Variants in SLC25A30 observed in about 807,000 individuals in gnomAD.
The protein encoded by SLC25A30 is solute carrier family 25 member 30.
SLC25A30 carries 29 observed loss-of-function variants against 42.7 expected under a neutral mutation model. That is an observed-to-expected ratio of 0.68 (90% CI 0.51 to 0.93). The LOEUF is 0.93. Among genes scored for constraint, SLC25A30 ranks in the 40% least tolerant of loss-of-function variants. SLC25A30 has a pLI of 0.00. For missense variants in SLC25A30, 300 were observed against 359.7 expected, an observed-to-expected ratio of 0.83 and a Z score of 1.34; for synonymous variants, 124 against 131.0, an observed-to-expected ratio of 0.95 and a Z score of 0.37.
At position 45,401,166 on chromosome 13, in the gene SLC25A30, A is replaced by G; in HGVS notation, c.531T>C (p.Gly177=). The part of the protein sequence containing the change: ...LTAQRAAIVV[G]VELPVYDITK... Reference sequence around the variant, plus strand: ...TGATGTCATAGACCGGCAGCTCCACACCAACAACAATAGCAGCCCTCTGCG... The same window carrying G: ...TGATGTCATAGACCGGCAGCTCCACGCCAACAACAATAGCAGCCCTCTGCG... The change falls in exon 7 of 10, where the codon GGT becomes GGC. Residue 177 remains glycine, a synonymous_variant. Transcript: ENST00000519676. 6.2e-7 allele frequency: 1 copy of G among 1,614,152 alleles called. No homozygotes were observed. The highest frequency in any genetic ancestry group is 1.1e-5 in the South Asian group (1 of 91,088).
At chr13:45,412,612 G>A (rs187792192) in intron 1 of SLC25A30, among the ~76,000 whole-genome samples, 2 of 152,218 alleles carry the variant, frequency 1.3e-5, no homozygotes, top group East Asian at 1.9e-4. Context: ...AACCAATTAG[G>A]GGGACATCCA....
intron 5 of SLC25A30, 64 bp downstream of exon 5, chr13:45,404,263 C>T: frequency 9.0e-7 from 1 of 1,108,300 alleles, no homozygotes; most frequent in Non-Finnish European, 1.4e-6. Flanking sequence ...ATTCCATTAC[C>T]CGAATGTTGT....
chr13:45,408,608 CCTT>C (rs1882726363), intron 3 of SLC25A30, among the ~76,000 whole-genome samples: 1 of 152,114 alleles, frequency 6.6e-6, no homozygotes, highest in Admixed American at 6.5e-5. Flanking sequence ...GCAAAAACCT[CCTT>C]AATTCAGAAT....
chr13:45,396,522 C>T (rs1017709466), intron 9 of SLC25A30: 1 of 225,100 alleles, frequency 4.4e-6, no homozygotes, highest in Non-Finnish European at 7.6e-6. Context: ...GCCTGTAATC[C>T]CAGCACTTTG....
Position 45,394,672 on chromosome 13 carries a change from A to T in SLC25A30, c.*1302T>A, listed in dbSNP as rs192630410. ...GGGCTCTTTCTCTGAAGCAGGTTAGAGTAAAGAATAAGAAAATAGAAAAAG... is the reference window on the plus strand; with the variant it reads ...GGGCTCTTTCTCTGAAGCAGGTTAGTGTAAAGAATAAGAAAATAGAAAAAG... On this transcript the variant is annotated 3_prime_UTR_variant, in exon 10 of 10. Transcript: ENST00000519676. 184 of 985,120 alleles carry T rather than the reference A, an allele frequency of 1.9e-4. 1 individual carries two copies. The African/African-American group carries it at 3.0e-3, about 16-fold the overall frequency. The allele number at this position is 985,120 out of a possible 1,614,324, so 61.0% of individuals were successfully genotyped here.
chr13:45,423,890 T>A, the SLC25A30 span, among the ~76,000 whole-genome samples: 1 of 81,776 alleles, frequency 1.2e-5, no homozygotes, highest in African/African-American at 4.8e-5. Context: ...AAAATATATA[T>A]ATAAATATAT....
At chr13:45,417,132 A>C (rs1883601857) in intron 1 of SLC25A30, among the ~76,000 whole-genome samples, 1 of 151,836 alleles carries the variant, frequency 6.6e-6, no homozygotes, top group African/African-American at 2.4e-5. Context: ...TCCTGTCTCA[A>C]CCTCCCGAGT....
chr13:45,405,875 C>T lies in SLC25A30; in HGVS notation c.307+8G>A. ...CTGTCCACAGTGGAAAACAGATTCC[C>T]CACTCACCTTCTGGGCGTTCAATGA... On this transcript the variant is annotated splice_region_variant and intron_variant, in intron 4 of 9. Transcript: ENST00000519676. 6.2e-7 allele frequency: 1 copy of T among 1,613,712 alleles called. No individual in the cohort carries two copies. The highest frequency in any genetic ancestry group is 8.5e-7 in the Non-Finnish European group (1 of 1,179,686).
chr13:45,422,185 T>C (rs893933106), upstream of SLC25A30, among the ~76,000 whole-genome samples: 9 of 152,218 alleles, frequency 5.9e-5, no homozygotes, highest in Admixed American at 1.3e-4. Flanking sequence ...TGATAAATGT[T>C]TGTTTAATTA....
Position 45,396,001 on chromosome 13 carries a change from G to T in SLC25A30, c.849C>A (p.Tyr283Ter), listed in dbSNP as rs764884738. 1.9e-6 allele frequency: 3 copies of T among 1,614,036 alleles called. No individual in the cohort carries two copies. Among genetic ancestry groups the T allele is most frequent in the African/African-American group, 1.3e-5 (1 of 74,930 alleles). The change falls in exon 10 of 10, where the codon TAC (tyrosine) becomes TAA (stop). Residue 283 changes from tyrosine to a stop codon, truncating the protein, a stop_gained. Coordinates refer to ENST00000519676, the MANE Select transcript of SLC25A30 (RefSeq NM_001010875.4). LOFTEE classifies it high-confidence loss of function. ...ACAAATCCAATTTCTTCAACTGCTC[G>T]TATGTCACAAAGAACTGTGGTTATG... ...GPWNIIFFVTYEQLKKLDL is the reference protein window; with the variant it reads ...GPWNIIFFVT
At chr13:45,424,458 CAT>C in the SLC25A30 span, among the ~76,000 whole-genome samples, 595 of 19,374 alleles carry the variant, frequency 0.031, 47 homozygotes, top group African/African-American at 0.12. Context: ...AATATATAAA[CAT>C]ATAAAAATAT....
chr13:45,407,965 T>G (rs1882672954), intron 3 of SLC25A30, among the ~76,000 whole-genome samples: 1 of 152,224 alleles, frequency 6.6e-6, no homozygotes, highest in Non-Finnish European at 1.5e-5. Context: ...TCTTCCTACA[T>G]GACAGCCCTG....
chr13:45,421,379 CAAAAAAAAAA>C (rs368665089), upstream of SLC25A30, among the ~76,000 whole-genome samples: 3 of 83,358 alleles, frequency 3.6e-5, no homozygotes, highest in African/African-American at 4.9e-5. Context: ...ACTCCATCTC[CAAAAAAAAAA>C]AAAAAAAAAA....
chr13:45,425,787 A>T, the SLC25A30 span, among the ~76,000 whole-genome samples: 1 of 145,358 alleles, frequency 6.9e-6, no homozygotes, highest in Non-Finnish European at 1.5e-5. Context: ...CCACCTCCTG[A>T]ATTCAAGCAA....
intron 9 of SLC25A30, chr13:45,396,726 C>G (rs1397953306): frequency 6.4e-6 from 1 of 155,220 alleles, no homozygotes; most frequent in East Asian, 1.9e-4. Context: ...GACCCGAGAT[C>G]ACGCCACTGT....
the SLC25A30 span, among the ~76,000 whole-genome samples, chr13:45,425,898 G>C: frequency 6.1e-5 from 9 of 147,002 alleles, no homozygotes; most frequent in African/African-American, 2.2e-4. Flanking sequence ...TCATCATGTT[G>C]GCCAGGCTGG....
Position 45,395,818 on chromosome 13 carries a change from AAC to A in SLC25A30, c.*154_*155del, listed in dbSNP as rs1193383576. On this transcript the variant is annotated 3_prime_UTR_variant, in exon 10 of 10. Coordinates refer to ENST00000519676, the MANE Select transcript of SLC25A30 (RefSeq NM_001010875.4). ...CGTTTGATGAAGAGCATCCAATGCC[AAC>A]ACACAGCAATCTCAACTAACCCAGT... 6 of 1,528,196 alleles carry A rather than the reference AAC, an allele frequency of 3.9e-6. No homozygotes were observed. In the African/African-American group the frequency reaches 8.3e-5, roughly 21 times the overall value. 94.7% of individuals were successfully genotyped at this position (1,528,196 alleles called of 1,614,324 possible). A position where few individuals can be genotyped will look rare whatever the true frequency, so the allele number is the denominator to read the frequency against.
At chr13:45,425,797 A>G in the SLC25A30 span, among the ~76,000 whole-genome samples, 1 of 145,872 alleles carries the variant, frequency 6.9e-6, no homozygotes, top group Non-Finnish European at 1.5e-5. Context: ...AATTCAAGCA[A>G]TTCTTGTGCC....
At chr13:45,419,130 TAAAAAA>T (rs374462224), upstream of SLC25A30, among the ~76,000 whole-genome samples, 37,086 of 89,858 alleles carry the variant, frequency 0.41, 6,495 homozygotes, top group Non-Finnish European at 0.51. Flanking sequence ...TACTCCCTCT[TAAAAAA>T]AAAAAAAAAA....
Sources: allele counts gnomAD v4.1 joint callset (sites outside exome capture counted in the v4.1 genomes callset), GRCh38; gene constraint gnomAD v4.1.1; transcripts MANE v1.5; gene names NCBI Gene and HGNC (gene_info 2026-07-23, HGNC 2026-07-21).